The following CFAP54 variants were observed in gnomAD, a reference collection of about 807,000 sequenced individuals.
CFAP54 encodes cilia and flagella associated protein 54, also known as cilia- and flagella-associated protein 54.
Under a neutral mutation model 370.4 loss-of-function variants are expected in CFAP54, and 290 were observed. That is an observed-to-expected ratio of 0.78 (90% CI 0.71 to 0.86). CFAP54 has a LOEUF of 0.86. CFAP54 is among the 40% of genes least tolerant of loss of function. The pLI is 0.00. For synonymous variants in CFAP54, 1,206 were observed against 1,236.5 expected (o/e 0.98, Z 0.52); for missense variants, 3,399 against 3,528.7 (o/e 0.96, Z 0.93).
At position 96,733,142 on chromosome 12, in the gene CFAP54, G is replaced by A. The variant is rs1957940610; in HGVS notation, c.6966-6814G>A. ...AGAATTGCTCCTATTTTAAATACACGAACCTGGCCCTTGGGACAAAACCTG... is the reference window on the plus strand; with the variant it reads ...AGAATTGCTCCTATTTTAAATACACAAACCTGGCCCTTGGGACAAAACCTG... On this transcript the variant is annotated intron_variant, in intron 50 of 67. Transcript: ENST00000524981. Among the ~76,000 whole-genome samples the A allele has an allele frequency of 2.0e-5, 3 of 152,266 alleles. No individual in the cohort carries two copies. The South Asian group carries it at 6.2e-4, about 32-fold the overall frequency.
At chr12:96,833,083 C>G (rs528138643) in intron 66 of CFAP54, among the ~76,000 whole-genome samples, 1 of 152,220 alleles carries the variant, frequency 6.6e-6, no homozygotes, top group East Asian at 1.9e-4. Context: ...CAAAAAGAAA[C>G]TGAGAATAGC....
At chr12:96,773,370 T>G (rs2136681308) in intron 60 of CFAP54, among the ~76,000 whole-genome samples, 1 of 152,374 alleles carries the variant, frequency 6.6e-6, no homozygotes, top group South Asian at 2.1e-4. Context: ...CCTGTCTCCC[T>G]CACCGCTTAA....
intron 55 of CFAP54, among the ~76,000 whole-genome samples, chr12:96,747,832 T>C (rs1378461280): frequency 6.6e-6 from 1 of 152,232 alleles, no homozygotes; most frequent in Non-Finnish European, 1.5e-5. Flanking sequence ...TATTAAACAG[T>C]GCCTGGCACA....
intron 63 of CFAP54, among the ~76,000 whole-genome samples, chr12:96,792,773 ATTC>A (rs1186780815): frequency 6.6e-6 from 1 of 152,070 alleles, no homozygotes; most frequent in African/African-American, 2.4e-5. Flanking sequence ...TTTGGTAGTT[ATTC>A]TTTATCATGT....
chr12:96,799,376 T>C (rs1958799155), intron 63 of CFAP54, among the ~76,000 whole-genome samples: 1 of 152,216 alleles, frequency 6.6e-6, no homozygotes, highest in Non-Finnish European at 1.5e-5. Flanking sequence ...TATTTGCTTT[T>C]TGTGTTCTGC....
chr12:96,682,851 C>T (rs998726273), intron 40 of CFAP54, among the ~76,000 whole-genome samples: 1 of 152,230 alleles, frequency 6.6e-6, no homozygotes, highest in African/African-American at 2.4e-5. Context: ...TTGTCCATCA[C>T]TATTGTGAGA....
chr12:96,584,003 G>T (rs1956053842), intron 22 of CFAP54, among the ~76,000 whole-genome samples: 2 of 152,190 alleles, frequency 1.3e-5, no homozygotes, highest in South Asian at 4.1e-4. Context: ...AGAGTTTGAT[G>T]TTGGAACATG....
intron 15 of CFAP54, among the ~76,000 whole-genome samples, chr12:96,552,024 A>C (rs557465501): frequency 2.0e-5 from 3 of 152,118 alleles, no homozygotes; most frequent in Admixed American, 6.5e-5. Flanking sequence ...AGGCGGGTGG[A>C]TCACCTGAGG....
chr12:96,853,654 T>C (rs1387092436), intron 66 of CFAP54, among the ~76,000 whole-genome samples: 1 of 152,164 alleles, frequency 6.6e-6, no homozygotes, highest in Non-Finnish European at 1.5e-5. Context: ...GTTTGAAGCA[T>C]CTGACTTGTC....
chr12:96,525,482 T>A (rs1007190776), intron 8 of CFAP54, among the ~76,000 whole-genome samples: 6 of 152,130 alleles, frequency 3.9e-5, no homozygotes, highest in African/African-American at 1.4e-4. Context: ...CCATTCTTTT[T>A]GCTGGTTTTT....
chr12:96,714,252 G>T (rs999701313), intron 48 of CFAP54, among the ~76,000 whole-genome samples: 1 of 152,184 alleles, frequency 6.6e-6, no homozygotes, highest in Non-Finnish European at 1.5e-5. Context: ...GAGTCAAAAA[G>T]ATTTGAAAGG....
intron 56 of CFAP54, 27 bp downstream of exon 56, chr12:96,753,925 T>C (rs751000515): frequency 1.9e-6 from 3 of 1,594,624 alleles, no homozygotes; most frequent in Admixed American, 3.5e-5. Flanking sequence ...GTCAGAACTA[T>C]GATAAAATTT....
At chr12:96,510,047 G>T (rs1231747379) in intron 4 of CFAP54, among the ~76,000 whole-genome samples, 1 of 151,630 alleles carries the variant, frequency 6.6e-6, no homozygotes, top group East Asian at 1.9e-4. Flanking sequence ...GGAGGCCCAG[G>T]TGAAAGACCA....
At chr12:96,526,992 C>A (rs1016264770) in intron 8 of CFAP54, among the ~76,000 whole-genome samples, 2 of 145,970 alleles carry the variant, frequency 1.4e-5, no homozygotes, top group African/African-American at 5.1e-5. Flanking sequence ...CCTCCCTGGG[C>A]TCAGGTGATC....
intron 8 of CFAP54, among the ~76,000 whole-genome samples, chr12:96,526,488 G>T (rs1317379462): frequency 6.6e-6 from 1 of 152,144 alleles, no homozygotes. Flanking sequence ...ATATCCTGTG[G>T]TGCTTATTAA....
rs55844046 is a variant in CFAP54 at position 96,840,618 on chromosome 12, G to T, written c.9171+11530G>T. On this transcript the variant is annotated intron_variant, in intron 66 of 67. Transcript: ENST00000524981. ...GCTACAGACTTTCTTTCTTTTCTCT[G>T]TTTCTTTCTTTTTTTTTTTTTTTAC... Among the ~76,000 whole-genome samples, 46 of 114,866 alleles carry T rather than the reference G, an allele frequency of 4.0e-4. 6 individuals are homozygous for T. The highest frequency in any genetic ancestry group is 7.7e-4 in the African/African-American group (23 of 29,846). 75.4% of individuals were successfully genotyped at this position (114,866 alleles called of 152,430 possible).
Position 96,743,802 on chromosome 12 carries a change from A to G in CFAP54, c.7449A>G (p.Leu2483=). The part of the protein sequence containing the change: ...PQSRLTLARS[L]VLLDDLTKAE... ...CACGGCTAACCCTGGCAAGAAGCCTAGTTTTGCTGGATGACTTAACCAAAG... is the reference window on the plus strand; with the variant it reads ...CACGGCTAACCCTGGCAAGAAGCCTGGTTTTGCTGGATGACTTAACCAAAG... Residue 2483 remains leucine, a synonymous_variant, in exon 54 of 68, where the codon CTA becomes CTG. Coordinates refer to ENST00000524981, the MANE Select transcript of CFAP54 (RefSeq NM_001306084.2). 1 of 1,613,944 alleles carries G rather than the reference A, an allele frequency of 6.2e-7. No homozygotes were observed. Among genetic ancestry groups the G allele is most frequent in the Non-Finnish European group, 8.5e-7 (1 of 1,179,878 alleles).
intron 26 of CFAP54, among the ~76,000 whole-genome samples, chr12:96,602,563 G>T (rs1956254998): frequency 6.6e-6 from 1 of 152,160 alleles, no homozygotes; most frequent in Admixed American, 6.5e-5. Context: ...GGGTGTTAAA[G>T]TCTGCCATCA....
chr12:96,628,928 C>A (rs1388485258), intron 30 of CFAP54, among the ~76,000 whole-genome samples: 5 of 147,070 alleles, frequency 3.4e-5, no homozygotes, highest in African/African-American at 7.5e-5. Flanking sequence ...AATATAAATT[C>A]AAAAAAAAAA....
Sources: gnomAD v4.1 joint callset for allele counts (sites outside exome capture counted in the v4.1 genomes callset) on GRCh38, gnomAD v4.1.1 for gene constraint, MANE v1.5 for transcripts, NCBI Gene and HGNC (gene_info 2026-07-23, HGNC 2026-07-21) for gene names.